Variants in BICD1 observed in about 807,000 individuals in gnomAD.
The protein encoded by BICD1 is protein bicaudal D homolog 1.
BICD1 carries 35 observed loss-of-function variants against 92.5 expected under a neutral mutation model. That is an observed-to-expected ratio of 0.38 (90% confidence interval 0.29 to 0.50). The LOEUF is 0.50. Ranked by LOEUF, BICD1 falls within the 20% of genes least tolerant of loss-of-function variation. The pLI, the probability that BICD1 is intolerant of heterozygous loss-of-function variation, is 0.93. For missense variants in BICD1, 950 were observed against 1,189.8 expected (o/e 0.80, Z 2.97); for synonymous variants, 429 against 465.1 (o/e 0.92, Z 1.00).
rs1940179164 is a variant in BICD1, at chr12:32,381,523, A to AT, written c.*3898dup. On this transcript the variant is annotated 3_prime_UTR_variant, in exon 10 of 10. Coordinates refer to ENST00000652176, the MANE Select transcript of BICD1 (RefSeq NM_001714.4). ...ATGTGGAGATTTCTTGATATTCTGT[A>AT]TTAATTAAAGTTCTCTACATGTCTC... is the stretch of plus-strand genomic sequence containing the variant. The AT allele has an allele frequency of 6.6e-6, 1 of 152,166 alleles. No individual in the cohort carries two copies. The highest frequency in any genetic ancestry group is 2.1e-4 in the South Asian group (1 of 4,838). 9.4% of individuals were successfully genotyped at this position (152,166 alleles called of 1,614,324 possible). A position where few individuals can be genotyped will look rare whatever the true frequency, so the allele number is the denominator to read the frequency against.
At chr12:32,197,461 T>C (rs1440992888) in intron 1 of BICD1, among the ~76,000 whole-genome samples, 1 of 152,184 alleles carries the variant, frequency 6.6e-6, no homozygotes, top group Non-Finnish European at 1.5e-5. Flanking sequence ...AATAATCTGC[T>C]TATAATTATC....
intron 4 of BICD1, among the ~76,000 whole-genome samples, chr12:32,308,328 C>A (rs1241176828): frequency 6.6e-6 from 1 of 152,144 alleles, no homozygotes; most frequent in East Asian, 1.9e-4. Flanking sequence ...CAGAAACTCC[C>A]CATGTATTTC....
At chr12:32,166,138 A>ATTTATTTATTTATTTTTTATTTATTT (rs1555140610) in intron 1 of BICD1, among the ~76,000 whole-genome samples, 1 of 143,954 alleles carries the variant, frequency 6.9e-6, no homozygotes, top group Non-Finnish European at 1.5e-5. Flanking sequence ...TTATTTATTT[A>ATTTATTTATTTATTTTTTATTTATTT]TTTATTTATT....
At chr12:32,254,136 G>A (rs1333433765) in intron 2 of BICD1, among the ~76,000 whole-genome samples, 8 of 143,240 alleles carry the variant, frequency 5.6e-5, no homozygotes, top group Admixed American at 3.5e-4. Flanking sequence ...ATTCACTGCC[G>A]TATCCCACCT....
chr12:32,198,097 C>T (rs1391863510), intron 1 of BICD1, among the ~76,000 whole-genome samples: 2 of 151,606 alleles, frequency 1.3e-5, no homozygotes, highest in East Asian at 1.9e-4. Flanking sequence ...CCCAGCTACT[C>T]GGGTGGCTGA....
chr12:32,132,617 G>A (rs1299534073), intron 1 of BICD1, among the ~76,000 whole-genome samples: 7 of 152,076 alleles, frequency 4.6e-5, no homozygotes, highest in Admixed American at 1.3e-4. Context: ...CCCACTGCCC[G>A]CCCCAACGCC....
chr12:32,353,645 T>C (rs1938983733), intron 8 of BICD1: 2 of 152,204 alleles, frequency 1.3e-5, no homozygotes, highest in Admixed American at 1.3e-4. Context: ...GTGTCTCATA[T>C]GTTTTTCTTG....
At chr12:32,202,267 G>T (rs1944926415) in intron 1 of BICD1, among the ~76,000 whole-genome samples, 2 of 152,176 alleles carry the variant, frequency 1.3e-5, no homozygotes, top group Admixed American at 1.3e-4. Context: ...CCAAAACCTG[G>T]TGAGTAAGAA....
chr12:32,119,209 T>A (rs1370807281), intron 1 of BICD1, among the ~76,000 whole-genome samples: 2 of 152,228 alleles, frequency 1.3e-5, no homozygotes, highest in Non-Finnish European at 2.9e-5. Flanking sequence ...AAATGACCAT[T>A]CATATTTGAA....
chr12:32,337,816 G>C lies in BICD1; in HGVS notation c.2570G>C (p.Arg857Thr). ...GTCAGCAGTGGCACTCAGAGGAAAAGGTATGCATGCAGCGATCTTCATAGT... is the reference window on the plus strand; with the variant it reads ...GTCAGCAGTGGCACTCAGAGGAAAACGTATGCATGCAGCGATCTTCATAGT... ...IRVSSGTQRK[R>T]QFSPSLCDQS... Residue 857 changes from arginine (R) to threonine (T), a missense_variant and splice_region_variant, in exon 7 of 10, where the codon AGA becomes ACA. This residue lies in a region of BICD1 where 179 missense variants were observed against 186.7 expected (regional missense o/e 0.96). Coordinates refer to ENST00000652176, the MANE Select transcript of BICD1 (RefSeq NM_001714.4). The surrounding 1 kb of genome is among the most constrained non-coding windows in gnomAD (Gnocchi z 4.7). 6.2e-7 allele frequency: 1 copy of C among 1,614,054 alleles called. No homozygotes were observed. Among genetic ancestry groups the C allele is most frequent in the Non-Finnish European group, 8.5e-7 (1 of 1,179,958 alleles).
intron 1 of BICD1, among the ~76,000 whole-genome samples, chr12:32,142,417 AAAAAAAAAAAAAAAC>A (rs1249379210): frequency 2.8e-5 from 2 of 71,190 alleles, no homozygotes; most frequent in Non-Finnish European, 5.6e-5. Flanking sequence ...AAAAAAAAAA[AAAAAAAAAAAAAAAC>A]AAAAAACCCC....
chr12:32,175,240 G>A (rs1014335109), intron 1 of BICD1, among the ~76,000 whole-genome samples: 5 of 150,330 alleles, frequency 3.3e-5, no homozygotes, highest in South Asian at 2.1e-4. Context: ...CTGAAAAAGC[G>A]TTTGAGAGGA....
chr12:32,267,761 G>A (rs1422632456), intron 2 of BICD1, among the ~76,000 whole-genome samples: 1 of 152,090 alleles, frequency 6.6e-6, no homozygotes, highest in East Asian at 1.9e-4. Context: ...CAGTGAATCT[G>A]TTTCTAGGCT....
intron 2 of BICD1, among the ~76,000 whole-genome samples, chr12:32,288,606 T>G (rs1234253532): frequency 6.6e-6 from 1 of 152,086 alleles, no homozygotes; most frequent in African/African-American, 2.4e-5. Flanking sequence ...TGACTCACAC[T>G]TGTAATCCCA....
intron 1 of BICD1, among the ~76,000 whole-genome samples, chr12:32,138,937 C>T (rs1592359966): frequency 1.3e-5 from 2 of 152,210 alleles, no homozygotes; most frequent in Admixed American, 1.3e-4. Context: ...CATTATTGTA[C>T]ATTCTTACAT....
chr12:32,246,930 A>G (rs577099348), intron 2 of BICD1, among the ~76,000 whole-genome samples: 4 of 152,042 alleles, frequency 2.6e-5, no homozygotes, highest in Non-Finnish European at 4.4e-5. Flanking sequence ...GGAGTATGAC[A>G]TCAAGAGTTC....
At chr12:32,359,018 GAAGA>G (rs1290625174) in intron 8 of BICD1, among the ~76,000 whole-genome samples, 2 of 152,156 alleles carry the variant, frequency 1.3e-5, no homozygotes, top group African/African-American at 2.4e-5. Flanking sequence ...TTTGCAGAAA[GAAGA>G]AAGAGAGATA....
rs146578711 is a variant in BICD1, at chr12:32,286,220, G to A, written c.427-7774G>A. On this transcript the variant is annotated intron_variant, in intron 2 of 9. Transcript: ENST00000652176. ...TATGGTTAATTCCCAGAGTATATAA[G>A]CCAGATTATTAGCCGTTATATTTTT... Among the ~76,000 whole-genome samples the A allele has an allele frequency of 2.6e-5, 4 of 152,160 alleles. No individual in the cohort carries two copies. The East Asian group carries it at 7.7e-4, about 29-fold the overall frequency.
chr12:32,228,517 A>G (rs1298599964), intron 2 of BICD1, among the ~76,000 whole-genome samples: 3 of 152,224 alleles, frequency 2.0e-5, no homozygotes. Flanking sequence ...GAGCTACAGG[A>G]AGGTGCTGGG....
Sources: gnomAD v4.1 joint callset for allele counts (sites outside exome capture counted in the v4.1 genomes callset) on GRCh38, gnomAD v4.1.1 for gene constraint, gnomAD v4.1.1 regional missense constraint, Gnocchi (gnomAD v3.1) non-coding constraint, MANE v1.5 for transcripts, NCBI Gene and HGNC (gene_info 2026-07-23, HGNC 2026-07-21) for gene names.